The following CACNA2D3 variants were observed in gnomAD, a reference collection of about 807,000 sequenced individuals.
CACNA2D3 encodes the protein calcium voltage-gated channel auxiliary subunit alpha2delta 3.
CACNA2D3 carries 60 observed loss-of-function variants against 160.6 expected under a neutral mutation model. The ratio of observed to expected loss-of-function variants is 0.37; its 90% CI spans 0.30 to 0.46. CACNA2D3 has a LOEUF of 0.46. CACNA2D3 is among the 20% of genes least tolerant of loss of function. CACNA2D3 has a pLI of 1.00. For missense variants in CACNA2D3, 1,205 were observed against 1,365.0 expected (o/e 0.88, Z 1.85); for synonymous variants, 558 against 492.9 (o/e 1.13, Z -1.75).
At chr3:54,606,859 T>C (rs1698638607) in intron 9 of CACNA2D3, among the ~76,000 whole-genome samples, 1 of 152,138 alleles carries the variant, frequency 6.6e-6, no homozygotes, top group East Asian at 1.9e-4. Context: ...ATTAACATAA[T>C]CATAGTATCC....
chr3:54,696,859 T>C (rs576054784), intron 11 of CACNA2D3, among the ~76,000 whole-genome samples: 1 of 152,312 alleles, frequency 6.6e-6, no homozygotes, highest in African/African-American at 2.4e-5. Flanking sequence ...CTCTTACAAG[T>C]CCAAGAGTAT....
chr3:54,945,847 G>T (rs1701599415), intron 27 of CACNA2D3, among the ~76,000 whole-genome samples: 1 of 152,196 alleles, frequency 6.6e-6, no homozygotes, highest in Admixed American at 6.5e-5. Flanking sequence ...CAGGTAGTCA[G>T]TGGGCAATGC....
chr3:54,666,727 G>A (rs191136285), intron 11 of CACNA2D3, among the ~76,000 whole-genome samples: 6 of 152,320 alleles, frequency 3.9e-5, no homozygotes, highest in Admixed American at 2.0e-4. Flanking sequence ...CTTAAAAGGC[G>A]TTAAACCACG....
At chr3:54,506,506 G>T (rs954716058) in intron 5 of CACNA2D3, among the ~76,000 whole-genome samples, 4 of 152,258 alleles carry the variant, frequency 2.6e-5, no homozygotes, top group Non-Finnish European at 1.5e-5. Context: ...TTCTGCCTCC[G>T]TGGGCGGGCC....
intron 3 of CACNA2D3, among the ~76,000 whole-genome samples, chr3:54,353,010 A>G (rs1369693932): frequency 2.0e-5 from 3 of 152,212 alleles, no homozygotes; most frequent in East Asian, 1.9e-4. Context: ...GTTGCAGACA[A>G]TTCATTTACA....
At chr3:54,737,182 ATGTGTGTGTGTGTGTG>A (rs4025817) in intron 11 of CACNA2D3, among the ~76,000 whole-genome samples, 11 of 147,590 alleles carry the variant, frequency 7.5e-5, no homozygotes, top group East Asian at 4.0e-4. Flanking sequence ...CCATGTGTAT[ATGTGTGTGTGTGTGTG>A]TGTGTGTGTG....
chr3:54,696,356 C>G (rs1700666891), intron 11 of CACNA2D3, among the ~76,000 whole-genome samples: 1 of 152,172 alleles, frequency 6.6e-6, no homozygotes, highest in Non-Finnish European at 1.5e-5. Flanking sequence ...CTGCTTCCTA[C>G]TACACTGACA....
intron 3 of CACNA2D3, among the ~76,000 whole-genome samples, chr3:54,338,435 C>CT (rs776467892): frequency 1.4e-5 from 2 of 146,012 alleles, no homozygotes; most frequent in Non-Finnish European, 3.0e-5. Flanking sequence ...CTGTGTTTTT[C>CT]TTCTTTTTAT....
intron 17 of CACNA2D3, among the ~76,000 whole-genome samples, chr3:54,849,245 T>C (rs1410668903): frequency 6.6e-6 from 1 of 152,124 alleles, no homozygotes; most frequent in African/African-American, 2.4e-5. Flanking sequence ...GTTTTAAAGG[T>C]AGCAATAAGA....
intron 5 of CACNA2D3, among the ~76,000 whole-genome samples, chr3:54,516,718 C>T (rs907460255): frequency 6.6e-6 from 1 of 152,202 alleles, no homozygotes; most frequent in Admixed American, 6.5e-5. Context: ...ACATCTTCAC[C>T]CGTGTCTACT....
At chr3:54,360,984 A>C (rs569660435) in intron 3 of CACNA2D3, among the ~76,000 whole-genome samples, 4 of 152,194 alleles carry the variant, frequency 2.6e-5, no homozygotes, top group South Asian at 2.1e-4. Flanking sequence ...CTATATAGTA[A>C]AAATTTCAAA....
intron 11 of CACNA2D3, among the ~76,000 whole-genome samples, chr3:54,653,834 G>T (rs985648657): frequency 6.6e-6 from 1 of 152,140 alleles, no homozygotes; most frequent in African/African-American, 2.4e-5. Flanking sequence ...AGGTGCTGCG[G>T]ACCTCAGAAA....
At chr3:54,529,071 G>T (rs143751664) in intron 5 of CACNA2D3, among the ~76,000 whole-genome samples, 23 of 152,298 alleles carry the variant, frequency 1.5e-4, no homozygotes, top group Non-Finnish European at 2.9e-4. Flanking sequence ...CAGAAGGAAA[G>T]TTCAGTGAGC....
chr3:54,832,272 A>AGT (rs950508088), intron 14 of CACNA2D3, among the ~76,000 whole-genome samples: 4 of 152,142 alleles, frequency 2.6e-5, no homozygotes, highest in Admixed American at 6.5e-5. Context: ...GCTCGCGCAG[A>AGT]GTGTGTGTGT....
chr3:54,201,457 A>G (rs986499945), intron 2 of CACNA2D3, among the ~76,000 whole-genome samples: 1 of 152,242 alleles, frequency 6.6e-6, no homozygotes, highest in African/African-American at 2.4e-5. Flanking sequence ...ATTGATGGAA[A>G]GAACATTTCA....
intron 35 of CACNA2D3, among the ~76,000 whole-genome samples, chr3:55,065,901 T>C (rs1294517583): frequency 2.0e-5 from 3 of 152,226 alleles, no homozygotes; most frequent in African/African-American, 7.2e-5. Flanking sequence ...GTTTAGTTAC[T>C]ACATTTCATT....
intron 35 of CACNA2D3, among the ~76,000 whole-genome samples, chr3:55,031,307 A>G (rs1703684858): frequency 2.0e-5 from 3 of 152,108 alleles, no homozygotes; most frequent in African/African-American, 7.2e-5. Flanking sequence ...AGTGGCTTAG[A>G]AGTTGCCAAA....
intron 3 of CACNA2D3, among the ~76,000 whole-genome samples, 149 bp from the exon 4 acceptor site, chr3:54,386,563 TGTG>T (rs2106660509): frequency 6.6e-6 from 1 of 152,328 alleles, no homozygotes; most frequent in East Asian, 1.9e-4. Flanking sequence ...TTGACACTGA[TGTG>T]ATTATTTTCA....
At chr3:54,331,686 G>A (rs1704259845) in intron 3 of CACNA2D3, among the ~76,000 whole-genome samples, 1 of 152,168 alleles carries the variant, frequency 6.6e-6, no homozygotes, top group Non-Finnish European at 1.5e-5. Flanking sequence ...AGGTAAGAAT[G>A]TGCATTATAA....
Sources: gnomAD v4.1 joint callset for allele counts (sites outside exome capture counted in the v4.1 genomes callset) on GRCh38, gnomAD v4.1.1 for gene constraint, MANE v1.5 for transcripts, NCBI Gene and HGNC (gene_info 2026-07-23, HGNC 2026-07-21) for gene names.